STRN3: variants seen among roughly 807,000 people sequenced by gnomAD.
STRN3 encodes striatin-3.
STRN3 carries 29 observed loss-of-function variants against 95.6 expected under a neutral mutation model. The ratio of observed to expected loss-of-function variants is 0.30; its 90% CI spans 0.23 to 0.41. STRN3 has a LOEUF of 0.41. Among genes scored for constraint, STRN3 ranks in the 10% least tolerant of loss-of-function variants. The pLI, the probability that STRN3 is intolerant of heterozygous loss-of-function variation, is 1.00. For synonymous variants in STRN3, 331 were observed against 357.6 expected (o/e 0.93, Z 0.84); for missense variants, 890 against 972.1 (o/e 0.92, Z 1.12).
rs909340781 is a variant in STRN3, at chr14:31,013,373, C to CA, written c.282+12530dup. On this transcript the variant is annotated intron_variant, in intron 1 of 17. Coordinates refer to ENST00000357479, the MANE Select transcript of STRN3 (RefSeq NM_001083893.2). ...GGGCAAAAGAGTGAGACCCCCATCT[C>CA]AAAAAAAAAACAAAAAAATTATAGT... Among the ~76,000 whole-genome samples, 493 of 134,198 alleles carry CA rather than the reference C, an allele frequency of 3.7e-3. 2 individuals carry two copies. The highest frequency in any genetic ancestry group is 0.011 in the African/African-American group (403 of 36,330). The allele number at this position is 134,198 out of a possible 152,430, so 88.0% of individuals were successfully genotyped here.
At chr14:31,020,111 G>GT (rs1279288768) in intron 1 of STRN3, among the ~76,000 whole-genome samples, 1 of 151,976 alleles carries the variant, frequency 6.6e-6, no homozygotes, top group Non-Finnish European at 1.5e-5. Flanking sequence ...GTACAATTAG[G>GT]TATTCCCGAT....
At chr14:30,989,281 T>C (rs944365912) in intron 1 of STRN3, among the ~76,000 whole-genome samples, 1 of 152,116 alleles carries the variant, frequency 6.6e-6, no homozygotes, top group African/African-American at 2.4e-5. Flanking sequence ...ACTTCCTCTA[T>C]CTTCACAGCA....
intron 1 of STRN3, among the ~76,000 whole-genome samples, chr14:31,011,055 T>C (rs1463375835): frequency 1.3e-5 from 2 of 151,990 alleles, no homozygotes; most frequent in African/African-American, 4.8e-5. Context: ...AAAACAAACA[T>C]TTTAATTGAA....
chr14:30,921,092 A>T (rs147400467), intron 8 of STRN3, among the ~76,000 whole-genome samples: 2,932 of 151,766 alleles, frequency 0.019, 91 homozygotes, highest in African/African-American at 0.067. Context: ...ACACACACAC[A>T]CACACACACA....
At chr14:31,013,365 C>A (rs1883059129) in intron 1 of STRN3, among the ~76,000 whole-genome samples, 1 of 151,492 alleles carries the variant, frequency 6.6e-6, no homozygotes, top group African/African-American at 2.4e-5. Flanking sequence ...AGAGTGAGAC[C>A]CCCATCTCAA....
At position 30,961,081 on chromosome 14, in the gene STRN3, A is replaced by T. The variant is rs565765421; in HGVS notation, c.283-4839T>A. Among the ~76,000 whole-genome samples, 3 of 152,250 alleles carry T rather than the reference A, an allele frequency of 2.0e-5. No individual in the cohort carries two copies. The East Asian group carries it at 5.8e-4, about 29-fold the overall frequency. On this transcript the variant is annotated intron_variant, in intron 1 of 17. Coordinates refer to ENST00000357479, the MANE Select transcript of STRN3 (RefSeq NM_001083893.2). ...AAAAACACTAGCCATAAAGAAAAGGATTAAAAATTCATTACAATTTAAAAA... is the reference window on the plus strand; with the variant it reads ...AAAAACACTAGCCATAAAGAAAAGGTTTAAAAATTCATTACAATTTAAAAA...
Position 30,981,276 on chromosome 14 carries a change from T to C in STRN3, c.283-25034A>G, listed in dbSNP as rs563908259. Among the ~76,000 whole-genome samples, 38 of 152,252 alleles carry C rather than the reference T, an allele frequency of 2.5e-4. No homozygotes were observed. In the South Asian group the frequency reaches 7.5e-3, roughly 30 times the overall value. On this transcript the variant is annotated intron_variant, in intron 1 of 17. Transcript: ENST00000357479. ...ACCGAGGGAACTATGACTGCACCAC[T>C]GCACTCCAGCCTGGGCAACAGAACA...
At chr14:30,898,822 C>T (rs1389107537) in intron 16 of STRN3, among the ~76,000 whole-genome samples, 1 of 152,204 alleles carries the variant, frequency 6.6e-6, no homozygotes, top group East Asian at 1.9e-4. Flanking sequence ...ATTCTCCCCT[C>T]CCTGGCACCT....
intron 5 of STRN3, among the ~76,000 whole-genome samples, chr14:30,943,584 G>A (rs751422741): frequency 5.3e-5 from 8 of 151,882 alleles, no homozygotes; most frequent in Non-Finnish European, 1.2e-4. Context: ...TGGGCAACAG[G>A]GCAAGACACC....
intron 8 of STRN3, 138 bp from the exon 9 acceptor site, chr14:30,919,244 T>G: frequency 5.9e-6 from 5 of 848,822 alleles, no homozygotes; most frequent in South Asian, 2.5e-5. Context: ...TAAAGATGTC[T>G]TCCATTTTCC....
Position 30,952,295 on chromosome 14 carries a change from T to G in STRN3, c.461-1351A>C, listed in dbSNP as rs78133147. ...AGAGAGGGACTTAGAAGATCAACCCTCATACTGAATGTTGAAGACTCTGTG... is the reference window on the plus strand; with the variant it reads ...AGAGAGGGACTTAGAAGATCAACCCGCATACTGAATGTTGAAGACTCTGTG... On this transcript the variant is annotated intron_variant, in intron 3 of 17. Transcript: ENST00000357479. Among the ~76,000 whole-genome samples, 19 of 152,232 alleles carry G rather than the reference T, an allele frequency of 1.2e-4. No homozygotes were observed. In the East Asian group the frequency reaches 3.3e-3, roughly 26 times the overall value.
chr14:30,984,145 CCA>C lies in STRN3; in HGVS notation c.283-27905_283-27904del, dbSNP rs1491378168. Among the ~76,000 whole-genome samples, 35 of 140,078 alleles carry C rather than the reference CCA, an allele frequency of 2.5e-4. 2 individuals are homozygous for C. Among genetic ancestry groups the C allele is most frequent in the African/African-American group, 6.1e-4 (23 of 37,850 alleles). The allele number at this position is 140,078 out of a possible 152,430, so 91.9% of individuals were successfully genotyped here. On this transcript the variant is annotated intron_variant, in intron 1 of 17. Coordinates refer to ENST00000357479, the MANE Select transcript of STRN3 (RefSeq NM_001083893.2). ...CTTCCCCGCCCCCCCCAACCCCCCCCCACACACAAAGGCCTATAAAAAGGTTT... is the reference window on the plus strand; with the variant it reads ...CTTCCCCGCCCCCCCCAACCCCCCCCCACACAAAGGCCTATAAAAAGGTTT...
chr14:30,930,312 A>G (rs1878467715), intron 7 of STRN3, among the ~76,000 whole-genome samples: 1 of 152,150 alleles, frequency 6.6e-6, no homozygotes, highest in African/African-American at 2.4e-5. Context: ...TAAGTTTTTG[A>G]TAACTCAGTA....
intron 1 of STRN3, among the ~76,000 whole-genome samples, chr14:30,991,912 C>A (rs535001651): frequency 1.4e-5 from 2 of 145,428 alleles, no homozygotes; most frequent in Non-Finnish European, 3.0e-5. Flanking sequence ...ATAGCAAGAC[C>A]CCTTCTCTAT....
At chr14:30,971,161 C>T (rs1156739241) in intron 1 of STRN3, among the ~76,000 whole-genome samples, 4 of 152,214 alleles carry the variant, frequency 2.6e-5, no homozygotes, top group Admixed American at 2.0e-4. Context: ...TCAGTCAGCC[C>T]TTGTTCATCC....
chr14:30,969,381 G>A (rs994056450), intron 1 of STRN3, among the ~76,000 whole-genome samples: 2 of 152,008 alleles, frequency 1.3e-5, no homozygotes, highest in African/African-American at 4.8e-5. Context: ...AGCTTGCAAT[G>A]AGCTGAGATC....
In STRN3 at chr14:30,981,735, CAA is replaced by C. The variant is rs1380337427; in HGVS notation, c.283-25495_283-25494del. ...TGTCTTTTCAAAGAGGATGGATAAA[CAA>C]AAAACTTGCTTGCAAGAGCTTATAA... On this transcript the variant is annotated intron_variant, in intron 1 of 17. Coordinates refer to ENST00000357479, the MANE Select transcript of STRN3 (RefSeq NM_001083893.2). 3.3e-5 allele frequency among the ~76,000 whole-genome samples: 5 copies of C among 152,172 alleles called. No homozygotes were observed. The East Asian group carries it at 9.6e-4, about 29-fold the overall frequency.
rs541575720 is a variant in STRN3 at position 30,894,298 on chromosome 14, G to C, written c.*1113C>G. ...ATGGTAAACCAAGATATATATCTTA[G>C]GGGGAACCACCTTGGTTTGTAATTT... is the stretch of plus-strand genomic sequence containing the variant. On this transcript the variant is annotated 3_prime_UTR_variant, in exon 18 of 18. Transcript: ENST00000357479. 24 of 152,470 alleles carry C rather than the reference G, an allele frequency of 1.6e-4. No homozygotes were observed. The highest frequency in any genetic ancestry group is 1.3e-3 in the Admixed American group (20 of 15,294). 9.4% of individuals were successfully genotyped at this position (152,470 alleles called of 1,614,324 possible).
At chr14:30,987,958 G>C (rs1056782402) in intron 1 of STRN3, among the ~76,000 whole-genome samples, 1 of 152,092 alleles carries the variant, frequency 6.6e-6, no homozygotes, top group African/African-American at 2.4e-5. Flanking sequence ...GGCTGGTCTT[G>C]AACTCCTGAC....
Sources: gnomAD v4.1 joint callset for allele counts (sites outside exome capture counted in the v4.1 genomes callset) on GRCh38, gnomAD v4.1.1 for gene constraint, MANE v1.5 for transcripts, NCBI Gene and HGNC (gene_info 2026-07-23, HGNC 2026-07-21) for gene names.